COL16A1: variants seen among roughly 807,000 people sequenced by gnomAD.
The protein encoded by COL16A1 is collagen alpha-1(XVI) chain.
A neutral mutation model predicts 266.3 loss-of-function variants in COL16A1; 189 were observed. The ratio of observed to expected loss-of-function variants is 0.71; its 90% CI spans 0.63 to 0.80. The LOEUF is 0.80. COL16A1 is among the 30% of genes least tolerant of loss of function. The pLI is 0.00. For missense variants in COL16A1, 1,928 were observed against 2,122.4 expected (o/e 0.91, Z 1.80); for synonymous variants, 740 against 782.3 (o/e 0.95, Z 0.90).
At chr1:31,703,516 T>C (rs1482582904) in intron 1 of COL16A1, among the ~76,000 whole-genome samples, 1 of 152,024 alleles carries the variant, frequency 6.6e-6, no homozygotes, top group Non-Finnish European at 1.5e-5. Context: ...TGTGGGTGCA[T>C]GTGGAGGCGT....
At chr1:31,661,254 A>G in intron 60 of COL16A1, 135 bp from the exon 61 acceptor site, 1 of 1,478,580 alleles carries the variant, frequency 6.8e-7, no homozygotes, top group Non-Finnish European at 9.2e-7. Flanking sequence ...TCCAGCTGGT[A>G]GACAGAGAAG....
At chr1:31,690,624 C>T (rs780206813) in intron 20 of COL16A1, 51 bp from the exon 21 acceptor site, 25 of 1,599,092 alleles carry the variant, frequency 1.6e-5, no homozygotes, top group Admixed American at 5.1e-5. Context: ...AATGCAATCT[C>T]GGTGCGTTCC....
In COL16A1 at chr1:31,685,538, C is replaced by CCA; in HGVS notation, c.2016+100_2016+101insTG. On this transcript the variant is annotated intron_variant, in intron 29 of 70. Coordinates refer to ENST00000373672, the MANE Select transcript of COL16A1 (RefSeq NM_001856.4). The surrounding 1 kb of genome is among the most constrained non-coding windows in gnomAD (Gnocchi z 4.0). ...CCCGCCACACCCTCCCCACTACCCC[C>CCA]AACTGCCCAGGGAGTCAAGAGACCC... 3 of 1,421,388 alleles carry CCA rather than the reference C, an allele frequency of 2.1e-6. No individual in the cohort carries two copies. Among genetic ancestry groups the CCA allele is most frequent in the Non-Finnish European group, 2.9e-6 (3 of 1,044,430 alleles). The allele number at this position is 1,421,388 out of a possible 1,614,324, so 88.0% of individuals were successfully genotyped here.
chr1:31,694,183 A>G lies in COL16A1; in HGVS notation c.982-13T>C. On this transcript the variant is annotated splice_polypyrimidine_tract_variant and intron_variant, in intron 11 of 70. Coordinates refer to ENST00000373672, the MANE Select transcript of COL16A1 (RefSeq NM_001856.4). ...GAGCAAGTGTGACCTGAGGGGACAGAGGAGAGGGCATCACACTTCCGGTAG... is the reference window on the plus strand; with the variant it reads ...GAGCAAGTGTGACCTGAGGGGACAGGGGAGAGGGCATCACACTTCCGGTAG... 6.3e-7 allele frequency: 1 copy of G among 1,580,274 alleles called. No homozygotes were observed. The highest frequency in any genetic ancestry group is 1.2e-5 in the South Asian group (1 of 85,248).
intron 52 of COL16A1, among the ~76,000 whole-genome samples, chr1:31,667,252 C>T (rs77780109): frequency 7.4e-4 from 113 of 152,342 alleles, no homozygotes; most frequent in Admixed American, 4.7e-3. Context: ...CTGTGCTCAA[C>T]GTGGGGCCTG....
intron 56 of COL16A1, chr1:31,662,892 G>A (rs1205583640): frequency 3.4e-6 from 2 of 592,022 alleles, no homozygotes; most frequent in Admixed American, 3.1e-5. Context: ...CCATGAGGAA[G>A]GGACAGGGCA....
chr1:31,655,421 C>A lies in COL16A1; in HGVS notation c.4183G>T (p.Gly1395Cys). 6.2e-7 allele frequency: 1 copy of A among 1,614,164 alleles called. No individual in the cohort carries two copies. Among genetic ancestry groups the A allele is most frequent in the Non-Finnish European group, 8.5e-7 (1 of 1,180,026 alleles). The change falls in exon 67 of 71, where the codon GGT becomes TGT. Residue 1395 changes from glycine (G) to cysteine (C), a missense_variant. This residue lies in a region of COL16A1 where 376 missense variants were observed against 485.2 expected (regional missense o/e 0.77). Transcript: ENST00000373672. ...GGTGGCCCAACAGGCCCCATGGAACCACTCTTGCCAGGTCCACCAGGCATG... is the reference window on the plus strand; with the variant it reads ...GGTGGCCCAACAGGCCCCATGGAACAACTCTTGCCAGGTCCACCAGGCATG... ...AGMPGGPGKS[G>C]SMGPVGPPGP...
Position 31,683,025 on chromosome 1 carries a change from G to T in COL16A1, c.2470-23C>A, listed in dbSNP as rs1373424447. 4.3e-6 allele frequency: 7 copies of T among 1,613,824 alleles called. No homozygotes were observed. In the East Asian group the frequency reaches 8.9e-5, roughly 21 times the overall value. On this transcript the variant is annotated intron_variant, in intron 36 of 70. Transcript: ENST00000373672. ...TCCCTGTGTAAGAGAAGGTACAAAG[G>T]TCTCAGGGGCAGAATTGGAAGCCAG...
At chr1:31,675,066 A>C (rs772976572) in intron 43 of COL16A1, 27 bp from the exon 44 acceptor site, 1 of 1,613,134 alleles carries the variant, frequency 6.2e-7, no homozygotes, top group East Asian at 2.2e-5. Flanking sequence ...TGTGGGCTCA[A>C]GCAGGTGAGG....
At position 31,668,187 on chromosome 1, in the gene COL16A1, G is replaced by T. The variant is rs762274491; in HGVS notation, c.3281C>A (p.Ala1094Asp). 6 of 1,612,538 alleles carry T rather than the reference G, an allele frequency of 3.7e-6. No homozygotes were observed. The highest frequency in any genetic ancestry group is 5.1e-6 in the Non-Finnish European group (6 of 1,179,354). Residue 1094 changes from alanine (A) to aspartate (D), a missense_variant, in exon 51 of 71, where the codon GCC becomes GAC. Around this residue, in one of 2 missense-constraint regions of COL16A1, gnomAD observed 1,552 missense variants for 1,637.2 expected, o/e 0.95. Coordinates refer to ENST00000373672, the MANE Select transcript of COL16A1 (RefSeq NM_001856.4). The surrounding 1 kb of genome is among the most constrained non-coding windows in gnomAD (Gnocchi z 5.8). Reference sequence around the variant, plus strand: ...CACAGGCAGTCCTGGGGGGCCCGTGGCACCTGGGTAACCTGGTTGCCCTGG... The same window carrying T: ...CACAGGCAGTCCTGGGGGGCCCGTGTCACCTGGGTAACCTGGTTGCCCTGG... ...GPPGQPGYPGATGPPGLPGIK... is the reference protein window; with the variant it reads ...GPPGQPGYPGDTGPPGLPGIK...
intron 1 of COL16A1, among the ~76,000 whole-genome samples, chr1:31,702,868 CA>C (rs1451047066): frequency 1.3e-5 from 2 of 152,100 alleles, no homozygotes; most frequent in African/African-American, 4.8e-5. Context: ...CATTGCCAGC[CA>C]CCCCCGCCCC....
At chr1:31,686,757 C>T (rs1267210946) in intron 26 of COL16A1, among the ~76,000 whole-genome samples, 1 of 152,202 alleles carries the variant, frequency 6.6e-6, no homozygotes, top group Admixed American at 6.5e-5. Flanking sequence ...GGTGTTAACC[C>T]TGATTATTAC....
rs201824520 is a variant in COL16A1, at chr1:31,688,945, C to T, written c.1683G>A (p.Ser561=). ...ACACAAGATGCTGGGCCCCTACAAC[C>T]GAGCTGCAGGACAAGCAGGGCTCCC... ...EKGEPCLSCS[S]VVGAQHLVSS... The change falls in exon 25 of 71, where the codon TCG becomes TCA. Residue 561 remains serine (S), a synonymous_variant. Transcript: ENST00000373672. The surrounding 1 kb of genome is among the most constrained non-coding windows in gnomAD (Gnocchi z 4.9). 186 of 1,614,178 alleles carry T rather than the reference C, an allele frequency of 1.2e-4. No homozygotes were observed. The highest frequency in any genetic ancestry group is 1.5e-4 in the Admixed American group (9 of 60,024).
intron 26 of COL16A1, among the ~76,000 whole-genome samples, chr1:31,687,437 G>A (rs923112172): frequency 2.5e-3 from 320 of 128,394 alleles, no homozygotes; most frequent in African/African-American, 8.8e-3. Flanking sequence ...ACACACACAC[G>A]AAAAACTACC....
At position 31,664,905 on chromosome 1, in the gene COL16A1, C is replaced by T. The variant is rs780888537; in HGVS notation, c.3555+267G>A. The stretch of plus-strand genomic sequence containing the variant: ...CTCCCCACCTACCTCCCTGCCTTTC[C>T]CCCCATCACAGCAGACAAGGGCCTG... On this transcript the variant is annotated intron_variant, in intron 56 of 70. Transcript: ENST00000373672. This position sits in a 1 kb window ranked among gnomAD's most constrained non-coding sequence, Gnocchi z 5.5. Among the ~76,000 whole-genome samples the T allele has an allele frequency of 1.9e-4, 29 of 152,160 alleles. No individual in the cohort carries two copies. Among genetic ancestry groups the T allele is most frequent in the Non-Finnish European group, 3.8e-4 (26 of 68,030 alleles).
At chr1:31,679,934 G>A in intron 40 of COL16A1, 83 bp from the exon 41 acceptor site, 1 of 1,548,706 alleles carries the variant, frequency 6.5e-7, no homozygotes. Context: ...TGGGGAGGCG[G>A]CTGGCTGGGG....
chr1:31,690,648 G>A (rs540566875), intron 20 of COL16A1, 75 bp from the exon 21 acceptor site: 25 of 1,563,006 alleles, frequency 1.6e-5, no homozygotes, highest in South Asian at 5.8e-5. Flanking sequence ...TTCCCCACCC[G>A]TGCCCCTCTG....
At chr1:31,682,051 A>T (rs1189263544) in intron 37 of COL16A1, among the ~76,000 whole-genome samples, 3 of 152,196 alleles carry the variant, frequency 2.0e-5, no homozygotes. Flanking sequence ...AGCCCAAGAC[A>T]AATTACGCAT....
At chr1:31,655,106 T>C (rs1052539725) in intron 67 of COL16A1, among the ~76,000 whole-genome samples, 2 of 149,500 alleles carry the variant, frequency 1.3e-5, no homozygotes, top group African/African-American at 4.9e-5. Context: ...CACCCAGATA[T>C]GATACAAAAC....
Sources: allele counts gnomAD v4.1 joint callset (sites outside exome capture counted in the v4.1 genomes callset), GRCh38; gene constraint gnomAD v4.1.1; regional missense constraint gnomAD v4.1.1; non-coding constraint Gnocchi (gnomAD v3.1); transcripts MANE v1.5; gene names NCBI Gene and HGNC (gene_info 2026-07-23, HGNC 2026-07-21).